CDH23: variants seen among roughly 807,000 people sequenced by gnomAD.
The protein encoded by CDH23 is cadherin related 23, also known as cadherin-23.
Under a neutral mutation model 317.1 loss-of-function variants are expected in CDH23, and 189 were observed. That is an observed-to-expected ratio of 0.60 (90% confidence interval 0.53 to 0.67). The LOEUF is 0.67. CDH23 is among the 30% of genes least tolerant of loss of function. CDH23 has a pLI of 0.00. For missense variants in CDH23, 4,401 were observed against 4,592.4 expected, an observed-to-expected ratio of 0.96 and a Z score of 1.20; for synonymous variants, 1,839 against 1,876.8, an observed-to-expected ratio of 0.98 and a Z score of 0.52.
intron 3 of CDH23, among the ~76,000 whole-genome samples, chr10:71,449,854 C>T (rs979418444): frequency 6.6e-6 from 1 of 152,238 alleles, no homozygotes; most frequent in African/African-American, 2.4e-5. Flanking sequence ...TCTGAAATCC[C>T]TCACAGAGCC....
chr10:71,435,028 G>A (rs1208139078), intron 1 of CDH23, among the ~76,000 whole-genome samples: 1 of 152,184 alleles, frequency 6.6e-6, no homozygotes, highest in Non-Finnish European at 1.5e-5. Context: ...CTTGCCCAGA[G>A]ACTTCCTATC....
chr10:71,582,151 T>C (rs1439924514), intron 9 of CDH23, among the ~76,000 whole-genome samples: 2 of 152,220 alleles, frequency 1.3e-5, no homozygotes, highest in Non-Finnish European at 2.9e-5. Context: ...CATTCATTCA[T>C]TTCCTCCTTT....
intron 40 of CDH23, 27 bp from the exon 41 acceptor site, chr10:71,779,240 C>T (rs1194712562): frequency 2.3e-5 from 37 of 1,612,968 alleles, no homozygotes; most frequent in Non-Finnish European, 3.1e-5. Context: ...GGGGTGAGGC[C>T]TTGGCTAAGC....
rs770944394 is a variant in CDH23, at chr10:71,617,305, A to G, written c.1046A>G (p.Asn349Ser). 1 of 1,613,976 alleles carries G rather than the reference A, an allele frequency of 6.2e-7. No homozygotes were observed. The highest frequency in any genetic ancestry group is 8.5e-7 in the Non-Finnish European group (1 of 1,179,884). Reference protein sequence around the residue: ...IDINDNAPEFNSSEYSVAITE... With the variant: ...IDINDNAPEFSSSEYSVAITE... ...ATCAATGACAATGCCCCGGAGTTCA[A>G]CAGCTCCGAGTACAGCGTGGCCATC... The change falls in exon 11 of 70, where the codon AAC becomes AGC. Residue 349 changes from asparagine (N) to serine (S), a missense_variant. This residue lies in a region of CDH23 where 3,068 missense variants were observed against 3,203.3 expected (regional missense o/e 0.96). Transcript: ENST00000224721.
At position 71,785,640 on chromosome 10, in the gene CDH23, G is replaced by A. The variant is rs368828743; in HGVS notation, c.5722G>A (p.Val1908Ile). 226 of 1,596,564 alleles carry A rather than the reference G, an allele frequency of 1.4e-4. 2 individuals are homozygous for A. The East Asian group carries it at 4.5e-3, about 32-fold the overall frequency. The stretch of plus-strand genomic sequence containing the variant: ...ACCCTCCACATCCCAGACAGGGATC[G>A]TCACTGTGAACCGGCCCCTGGACCG... ...AFFINATTGI[V>I]TVNRPLDRER... is the part of the protein sequence containing the mutation. Residue 1908 changes from valine to isoleucine, a missense_variant, in exon 44 of 70, where the codon GTC becomes ATC. Val to Ile is a conservative substitution (Grantham distance 29). Transcript: ENST00000224721.
At chr10:71,423,605 C>T (rs1377181964) in intron 1 of CDH23, among the ~76,000 whole-genome samples, 1 of 152,104 alleles carries the variant, frequency 6.6e-6, no homozygotes, top group East Asian at 1.9e-4. Context: ...GGGAGGGAGG[C>T]AGAGAAGCTG....
chr10:71,577,199 G>C (rs2132398101), intron 8 of CDH23, among the ~76,000 whole-genome samples: 1 of 152,098 alleles, frequency 6.6e-6, no homozygotes, highest in East Asian at 1.9e-4. Context: ...CATGCCATAG[G>C]CTGTGCTCCC....
chr10:71,630,357 G>T (rs1861945712), intron 11 of CDH23, among the ~76,000 whole-genome samples: 2 of 152,136 alleles, frequency 1.3e-5, no homozygotes, highest in African/African-American at 4.8e-5. Flanking sequence ...GTCTGCCAGG[G>T]GTGGGGGTGG....
rs115035369 is a variant in CDH23, at chr10:71,510,279, C to T, written c.288+55C>T. ...TCTCTCCTGGGGACAGGAGGAGACA[C>T]TGGGGGAAGGACGGCCCGCCATCTT... On this transcript the variant is annotated intron_variant, in intron 4 of 69. Coordinates refer to ENST00000224721, the MANE Select transcript of CDH23 (RefSeq NM_022124.6). 4.8e-3 allele frequency: 7,653 copies of T among 1,584,312 alleles called. 185 individuals carry two copies. The African/African-American group carries it at 0.065, about 14-fold the overall frequency.
chr10:71,643,424 T>G (rs1862662810), intron 11 of CDH23, among the ~76,000 whole-genome samples: 1 of 151,284 alleles, frequency 6.6e-6, no homozygotes, highest in Non-Finnish European at 1.5e-5. Flanking sequence ...AACATGGGGG[T>G]GTTTGGGGTT....
intron 28 of CDH23, among the ~76,000 whole-genome samples, chr10:71,723,481 C>A (rs1039643754): frequency 6.6e-6 from 1 of 152,176 alleles, no homozygotes; most frequent in South Asian, 2.1e-4. Context: ...CCAGCCAGGC[C>A]GATCTGAAGC....
At chr10:71,409,684 C>G (rs1348662395) in intron 1 of CDH23, among the ~76,000 whole-genome samples, 3 of 152,018 alleles carry the variant, frequency 2.0e-5, no homozygotes, top group Non-Finnish European at 4.4e-5. Flanking sequence ...GGGGCCTGAC[C>G]CCTGAGGAGC....
chr10:71,774,567 A>G (rs1840774071), intron 38 of CDH23, among the ~76,000 whole-genome samples: 1 of 152,190 alleles, frequency 6.6e-6, no homozygotes, highest in African/African-American at 2.4e-5. Flanking sequence ...CTGAGACCCT[A>G]GCACAAAGCT....
At chr10:71,755,284 T>A (rs1840103918) in intron 38 of CDH23, 3 of 1,347,568 alleles carry the variant, frequency 2.2e-6, no homozygotes, top group East Asian at 2.5e-5. Flanking sequence ...CCTTTGCGAA[T>A]CCCAGGGGCT....
intron 1 of CDH23, among the ~76,000 whole-genome samples, chr10:71,425,687 C>T (rs1010674604): frequency 6.6e-6 from 1 of 152,212 alleles, no homozygotes; most frequent in Admixed American, 6.5e-5. Flanking sequence ...GAAGCTCTCT[C>T]TTCAGATGAG....
intron 3 of CDH23, among the ~76,000 whole-genome samples, chr10:71,485,317 G>T (rs1008777614): frequency 1.3e-5 from 2 of 152,092 alleles, no homozygotes; most frequent in Non-Finnish European, 2.9e-5. Context: ...GAGCCACTGC[G>T]CCTGGCTGGG....
intron 69 of CDH23, among the ~76,000 whole-genome samples, chr10:71,814,350 G>T (rs927640516): frequency 1.3e-5 from 2 of 152,250 alleles, no homozygotes; most frequent in African/African-American, 4.8e-5. Context: ...AGGAGTCCGA[G>T]GCTGCACTGA....
chr10:71,657,746 C>T (rs915303985), intron 14 of CDH23, among the ~76,000 whole-genome samples: 7 of 152,092 alleles, frequency 4.6e-5, no homozygotes, highest in African/African-American at 1.4e-4. Context: ...CCTGACACCC[C>T]CACCATTGGC....
chr10:71,753,567 C>T (rs1200894877), intron 38 of CDH23, among the ~76,000 whole-genome samples: 7 of 152,204 alleles, frequency 4.6e-5, no homozygotes, highest in Admixed American at 1.3e-4. Context: ...TGCAAGTCCC[C>T]GATCACTTCC....
Sources: gnomAD v4.1 joint callset for allele counts (sites outside exome capture counted in the v4.1 genomes callset) on GRCh38, gnomAD v4.1.1 for gene constraint, gnomAD v4.1.1 regional missense constraint, MANE v1.5 for transcripts, NCBI Gene and HGNC (gene_info 2026-07-23, HGNC 2026-07-21) for gene names.